STOX1: variants seen among roughly 807,000 people sequenced by gnomAD.
STOX1 encodes the protein storkhead box 1.
STOX1 carries 57 observed loss-of-function variants against 74.8 expected under a neutral mutation model. The ratio of observed to expected loss-of-function variants is 0.76; its 90% confidence interval spans 0.62 to 0.95. STOX1 has a LOEUF of 0.95. Ranked by LOEUF, STOX1 falls within the 40% of genes least tolerant of loss-of-function variation. The probability of loss-of-function intolerance (pLI) is 0.00; values close to 1 mark genes in which losing one functional copy is unlikely to be tolerated. For synonymous variants in STOX1, 375 were observed against 401.3 expected (o/e 0.93, Z 0.78); for missense variants, 1,010 against 1,117.0 (o/e 0.90, Z 1.37).
rs552596022 is a variant in STOX1 at position 68,888,258 on chromosome 10, G to A, written c.2822+1640G>A. ...TGGGATTACAGGTGCCCGCCACCAC[G>A]CCTGACTAATTTTTTGTATTTTCAA... On this transcript the variant is annotated intron_variant, in intron 3 of 3. Transcript: ENST00000298596. 5.3e-5 allele frequency among the ~76,000 whole-genome samples: 8 copies of A among 151,990 alleles called. No homozygotes were observed. The South Asian group carries it at 1.7e-3, about 32-fold the overall frequency.
At chr10:68,850,043 G>A (rs1839945374) in intron 1 of STOX1, among the ~76,000 whole-genome samples, 2 of 152,152 alleles carry the variant, frequency 1.3e-5, no homozygotes, top group Admixed American at 6.6e-5. Context: ...TTGAGATGGA[G>A]TCTTGCTGTT....
In STOX1 at chr10:68,885,952, C is replaced by A; in HGVS notation, c.2156C>A (p.Ala719Asp). ...ENEQLSNDDQ[A>D]LYQNEVEDDD... Reference sequence around the variant, plus strand: ...GAACAGCTTTCTAACGATGACCAGGCCTTGTATCAGAATGAAGTGGAAGAT... The same window carrying A: ...GAACAGCTTTCTAACGATGACCAGGACTTGTATCAGAATGAAGTGGAAGAT... Residue 719 changes from alanine to aspartate, a missense_variant, in exon 3 of 4, where the codon GCC (alanine) becomes GAC (aspartate). Ala to Asp is a moderately radical substitution (Grantham distance 126, BLOSUM62 -2). Transcript: ENST00000298596. 1 of 1,614,112 alleles carries A rather than the reference C, an allele frequency of 6.2e-7. No homozygotes were observed. The highest frequency in any genetic ancestry group is 8.5e-7 in the Non-Finnish European group (1 of 1,180,032).
rs1005478498 is a variant in STOX1, at chr10:68,846,155, ATT to A, written c.310+18223_310+18224del. On this transcript the variant is annotated intron_variant, in intron 1 of 3. Coordinates refer to ENST00000298596, the MANE Select transcript of STOX1 (RefSeq NM_152709.5). ...TATTATTATTATTATTATTATTATT[ATT>A]ATTATTTGAGACGGAGTCTCGCTCT... is the stretch of plus-strand genomic sequence containing the variant. 3.3e-3 allele frequency among the ~76,000 whole-genome samples: 415 copies of A among 126,042 alleles called. 7 individuals carry two copies. The highest frequency in any genetic ancestry group is 0.011 in the African/African-American group (391 of 34,602). 82.7% of individuals were successfully genotyped at this position (126,042 alleles called of 152,430 possible).
At chr10:68,865,959 C>T (rs969448728) in intron 1 of STOX1, among the ~76,000 whole-genome samples, 4 of 152,032 alleles carry the variant, frequency 2.6e-5, no homozygotes, top group Admixed American at 2.6e-4. Flanking sequence ...ACAATGGCCA[C>T]CATCAAAATG....
chr10:68,884,178 G>A, intron 2 of STOX1, 82 bp from the exon 3 acceptor site: 1 of 1,245,482 alleles, frequency 8.0e-7, no homozygotes, highest in South Asian at 1.2e-5. Context: ...AAGCCAATGT[G>A]TAGTCATTTC....
intron 1 of STOX1, among the ~76,000 whole-genome samples, chr10:68,868,190 G>A (rs1290843175): frequency 6.6e-6 from 1 of 152,218 alleles, no homozygotes; most frequent in Non-Finnish European, 1.5e-5. Flanking sequence ...GACACAGACA[G>A]AGAAATAGAG....
At chr10:68,863,111 C>T (rs1840299933) in intron 1 of STOX1, among the ~76,000 whole-genome samples, 1 of 152,066 alleles carries the variant, frequency 6.6e-6, no homozygotes, top group Non-Finnish European at 1.5e-5. Flanking sequence ...GTTCCTTCTT[C>T]ATGTGGGTGA....
At chr10:68,877,254 C>G (rs1840702996) in intron 1 of STOX1, among the ~76,000 whole-genome samples, 1 of 152,140 alleles carries the variant, frequency 6.6e-6, no homozygotes, top group Admixed American at 6.5e-5. Flanking sequence ...GATTTGTTCA[C>G]TCTTTTAAAA....
chr10:68,863,317 A>G (rs1840311974), intron 1 of STOX1, among the ~76,000 whole-genome samples: 1 of 152,106 alleles, frequency 6.6e-6, no homozygotes, highest in African/African-American at 2.4e-5. Flanking sequence ...TATCATAGCT[A>G]TCATTAAATT....
intron 1 of STOX1, among the ~76,000 whole-genome samples, chr10:68,841,104 G>A (rs191300118): frequency 6.6e-6 from 1 of 152,106 alleles, no homozygotes; most frequent in African/African-American, 2.4e-5. Flanking sequence ...CTACCACCAA[G>A]TCTGGCTCAT....
chr10:68,889,342 T>C (rs1451435626), intron 3 of STOX1, among the ~76,000 whole-genome samples: 2 of 152,216 alleles, frequency 1.3e-5, no homozygotes, highest in Non-Finnish European at 1.5e-5. Context: ...AAACGTTTTT[T>C]TGTGGAGACA....
At chr10:68,837,335 T>TA (rs1291386112) in intron 1 of STOX1, among the ~76,000 whole-genome samples, 4 of 152,158 alleles carry the variant, frequency 2.6e-5, no homozygotes, top group Non-Finnish European at 4.4e-5. Context: ...GTCCCGGTTG[T>TA]ATGACCCACA....
chr10:68,851,521 G>T (rs1020737916), intron 1 of STOX1, among the ~76,000 whole-genome samples: 1 of 152,052 alleles, frequency 6.6e-6, no homozygotes, highest in Non-Finnish European at 1.5e-5. Context: ...GAATGTACCA[G>T]ATTACCACAT....
intron 1 of STOX1, among the ~76,000 whole-genome samples, chr10:68,837,996 T>TA (rs1839600335): frequency 6.6e-6 from 1 of 152,238 alleles, no homozygotes; most frequent in South Asian, 2.1e-4. Flanking sequence ...TTAGTTAAGT[T>TA]TATTCCTAAG....
At chr10:68,873,680 G>A (rs1251973196) in intron 1 of STOX1, among the ~76,000 whole-genome samples, 4 of 120,232 alleles carry the variant, frequency 3.3e-5, no homozygotes, top group East Asian at 2.4e-4. Context: ...TTTTTGAGAC[G>A]GAGTCTCGCT....
chr10:68,890,649 CTTTTT>C (rs11366165), intron 3 of STOX1, among the ~76,000 whole-genome samples: 1 of 117,378 alleles, frequency 8.5e-6, no homozygotes. Flanking sequence ...AAGACCTTTT[CTTTTT>C]TTTTTTTTTT....
chr10:68,843,906 C>T (rs1165349199), intron 1 of STOX1, among the ~76,000 whole-genome samples: 2 of 151,492 alleles, frequency 1.3e-5, no homozygotes, highest in African/African-American at 2.4e-5. Context: ...GTGGGCCGGG[C>T]GCCATGGCTC....
At chr10:68,835,514 G>C (rs1375566874) in intron 1 of STOX1, among the ~76,000 whole-genome samples, 2 of 152,040 alleles carry the variant, frequency 1.3e-5, no homozygotes, top group Non-Finnish European at 2.9e-5. Flanking sequence ...TTGTAGAGAT[G>C]GAGTCTCCCT....
chr10:68,857,960 AAGG>A (rs1840168038), intron 1 of STOX1, among the ~76,000 whole-genome samples: 1 of 152,078 alleles, frequency 6.6e-6, no homozygotes. Context: ...GGTGCCTAAA[AAGG>A]AAGAAGGGGC....
Sources: allele counts gnomAD v4.1 joint callset (sites outside exome capture counted in the v4.1 genomes callset), GRCh38; gene constraint gnomAD v4.1.1; transcripts MANE v1.5; gene names NCBI Gene and HGNC (gene_info 2026-07-23, HGNC 2026-07-21).